Variants in NDRG3 observed in about 807,000 individuals in gnomAD.
NDRG3 encodes NDRG family member 3.
Under a neutral mutation model 57.2 loss-of-function variants are expected in NDRG3, and 23 were observed. The ratio of observed to expected loss-of-function variants is 0.40; its 90% CI spans 0.29 to 0.57. The LOEUF is 0.57. Among genes scored for constraint, NDRG3 ranks in the 20% least tolerant of loss-of-function variants. The pLI is 0.42. For missense variants in NDRG3, 384 were observed against 457.3 expected, an observed-to-expected ratio of 0.84 and a Z score of 1.46; for synonymous variants, 132 against 162.6, an observed-to-expected ratio of 0.81 and a Z score of 1.43.
At chr20:36,693,931 G>A (rs1345776058) in intron 3 of NDRG3, among the ~76,000 whole-genome samples, 1 of 151,844 alleles carries the variant, frequency 6.6e-6, no homozygotes, top group Non-Finnish European at 1.5e-5. Context: ...CCAAATACAT[G>A]GAAAAATTGT....
chr20:36,723,659 AGTGTGTGTGTGTGTGTGTGTGT>A (rs36022065), intron 1 of NDRG3, among the ~76,000 whole-genome samples: 2 of 132,932 alleles, frequency 1.5e-5, no homozygotes, highest in Non-Finnish European at 3.2e-5. Flanking sequence ...ATATTAGTCT[AGTGTGTGTGTGTGTGTGTGTGT>A]GTGTGTGTGT....
chr20:36,667,763 A>G (rs1376705958), intron 9 of NDRG3, among the ~76,000 whole-genome samples: 1 of 152,210 alleles, frequency 6.6e-6, no homozygotes, highest in African/African-American at 2.4e-5. Context: ...AAGACTTGTT[A>G]GAGAAATAGA....
At chr20:36,668,196 G>A (rs1369832550) in intron 9 of NDRG3, among the ~76,000 whole-genome samples, 2 of 152,090 alleles carry the variant, frequency 1.3e-5, no homozygotes, top group Non-Finnish European at 2.9e-5. Context: ...GAACTAAGAT[G>A]GCACCACTGC....
At chr20:36,673,381 T>C (rs1980354059) in intron 8 of NDRG3, among the ~76,000 whole-genome samples, 1 of 152,042 alleles carries the variant, frequency 6.6e-6, no homozygotes. Flanking sequence ...AAAAACAGAA[T>C]ACAAAAGACA....
chr20:36,694,918 C>T (rs1055241606), intron 3 of NDRG3, among the ~76,000 whole-genome samples: 21 of 152,008 alleles, frequency 1.4e-4, no homozygotes, highest in African/African-American at 4.8e-4. Context: ...CCACCATGCT[C>T]GGCTAATTTT....
At chr20:36,690,486 C>A (rs879726883) in intron 3 of NDRG3, among the ~76,000 whole-genome samples, 8 of 114,568 alleles carry the variant, frequency 7.0e-5, no homozygotes, top group South Asian at 3.1e-4. Context: ...CTCAGGAACC[C>A]AATAGAGCAG....
At chr20:36,707,992 G>A (rs1313534614) in intron 2 of NDRG3, among the ~76,000 whole-genome samples, 2 of 152,080 alleles carry the variant, frequency 1.3e-5, no homozygotes, top group Admixed American at 1.3e-4. Flanking sequence ...GCCGAGGCAG[G>A]AGAATTGCTT....
chr20:36,720,602 C>T lies in NDRG3; in HGVS notation c.57+1077G>A, dbSNP rs977526456. ...GTATATTACTGACATCCAGTCCTCC[C>T]TGATGTCATATTGACAGAAAGACCA... On this transcript the variant is annotated intron_variant, in intron 2 of 15. Coordinates refer to ENST00000349004, the MANE Select transcript of NDRG3 (RefSeq NM_032013.4). 4.6e-5 allele frequency among the ~76,000 whole-genome samples: 7 copies of T among 152,220 alleles called. 1 individual carries two copies. In the South Asian group the frequency reaches 1.0e-3, roughly 23 times the overall value.
rs1161279606 is a variant in NDRG3 at position 36,651,969 on chromosome 20, C to T, written c.*1551G>A. ...CTTGCTATGTGGTAGTTGGTCTCCA[C>T]AATTCTCTCACCCTCCAGCAATACT... On this transcript the variant is annotated 3_prime_UTR_variant, in exon 16 of 16. Transcript: ENST00000349004. 1 of 152,280 alleles carries T rather than the reference C, an allele frequency of 6.6e-6. No individual in the cohort carries two copies. The highest frequency in any genetic ancestry group is 1.5e-5 in the Non-Finnish European group (1 of 68,084). The allele number at this position is 152,280 out of a possible 1,614,324, so 9.4% of individuals were successfully genotyped here. A position where few individuals can be genotyped will look rare whatever the true frequency, so the allele number is the denominator to read the frequency against.
At chr20:36,713,216 GA>G (rs1313202358) in intron 2 of NDRG3, among the ~76,000 whole-genome samples, 1 of 152,050 alleles carries the variant, frequency 6.6e-6, no homozygotes, top group Admixed American at 6.6e-5. Flanking sequence ...ATTTGAAGAG[GA>G]AAAAAATCAA....
intron 1 of NDRG3, among the ~76,000 whole-genome samples, chr20:36,733,167 AAAAAATATATATATATATATATATAT>A (rs1199354557): frequency 2.4e-4 from 7 of 29,280 alleles, no homozygotes; most frequent in South Asian, 1.7e-3. Context: ...AAAAAAAAAA[AAAAAATATATATATATATATATATAT>A]ATATATATAT....
chr20:36,738,793 A>G (rs2148229989), intron 1 of NDRG3, among the ~76,000 whole-genome samples: 1 of 148,038 alleles, frequency 6.8e-6, no homozygotes, highest in East Asian at 2.0e-4. Context: ...ACTGCACTCC[A>G]GCCTGGACCA....
intron 3 of NDRG3, among the ~76,000 whole-genome samples, chr20:36,691,123 A>G (rs1309777515): frequency 6.6e-6 from 1 of 152,254 alleles, no homozygotes; most frequent in African/African-American, 2.4e-5. Flanking sequence ...GAGAATCCCA[A>G]AAAAGGCAAA....
At chr20:36,686,802 G>A (rs1981821890) in intron 5 of NDRG3, among the ~76,000 whole-genome samples, 1 of 152,204 alleles carries the variant, frequency 6.6e-6, no homozygotes, top group Admixed American at 6.5e-5. Context: ...ATGCTCCCAG[G>A]AAAGCTCAGA....
intron 3 of NDRG3, 149 bp downstream of exon 3, chr20:36,706,823 T>G (rs1250257166): frequency 1.6e-6 from 1 of 615,546 alleles, no homozygotes; most frequent in Non-Finnish European, 2.8e-6. Context: ...CAAATCATTT[T>G]AAGTGAACTT....
intron 1 of NDRG3, among the ~76,000 whole-genome samples, chr20:36,740,686 G>A (rs1477314233): frequency 3.3e-5 from 5 of 152,108 alleles, no homozygotes; most frequent in African/African-American, 1.2e-4. Flanking sequence ...ATTCTGTCAT[G>A]TACTATGAGA....
At chr20:36,680,516 T>G (rs1328727214) in intron 8 of NDRG3, among the ~76,000 whole-genome samples, 1 of 151,342 alleles carries the variant, frequency 6.6e-6, no homozygotes, top group African/African-American at 2.4e-5. Flanking sequence ...TTTCTATGAT[T>G]CCAATTTAAC....
At chr20:36,701,435 C>T (rs1300721464) in intron 3 of NDRG3, among the ~76,000 whole-genome samples, 1 of 151,922 alleles carries the variant, frequency 6.6e-6, no homozygotes, top group Admixed American at 6.6e-5. Context: ...GTCCCAGCTA[C>T]TCAGGAGGCT....
rs754242848 is a variant in NDRG3, at chr20:36,721,642, C to T, written c.57+37G>A. 1.5e-5 allele frequency: 19 copies of T among 1,274,832 alleles called. No homozygotes were observed. The East Asian group carries it at 3.3e-4, about 22-fold the overall frequency. 79.0% of individuals were successfully genotyped at this position (1,274,832 alleles called of 1,614,324 possible). ...AATGAAATACTATCAGAAGAAAAGG[C>T]TTGTCCATATTTTAGTGAAAACAGA... On this transcript the variant is annotated intron_variant, in intron 2 of 15. Coordinates refer to ENST00000349004, the MANE Select transcript of NDRG3 (RefSeq NM_032013.4).
Sources: gnomAD v4.1 joint callset for allele counts (sites outside exome capture counted in the v4.1 genomes callset) on GRCh38, gnomAD v4.1.1 for gene constraint, MANE v1.5 for transcripts, NCBI Gene and HGNC (gene_info 2026-07-23, HGNC 2026-07-21) for gene names.